Variants in SPAG16 observed in about 807,000 individuals in gnomAD.
The protein encoded by SPAG16 is sperm-associated antigen 16 protein.
In SPAG16, 86 loss-of-function variants were observed where a neutral mutation model predicts 80.4. The ratio of observed to expected loss-of-function variants is 1.07; its 90% CI spans 0.90 to 1.28. The LOEUF (loss-of-function observed/expected upper bound fraction) is 1.28. Ranked by LOEUF, SPAG16 falls within the 50% of genes most tolerant of loss-of-function variation. SPAG16 has a pLI of 0.00. For missense variants in SPAG16, 870 were observed against 765.3 expected, an observed-to-expected ratio of 1.14 and a Z score of -1.61; for synonymous variants, 294 against 265.9, an observed-to-expected ratio of 1.11 and a Z score of -1.03.
intron 10 of SPAG16, among the ~76,000 whole-genome samples, chr2:213,828,068 G>T (rs2125709911): frequency 6.6e-6 from 1 of 152,174 alleles, no homozygotes; most frequent in African/African-American, 2.4e-5. Context: ...GATTTGAGAA[G>T]TTCATTGTTA....
At chr2:213,776,141 A>C (rs2069561296) in intron 10 of SPAG16, among the ~76,000 whole-genome samples, 1 of 152,188 alleles carries the variant, frequency 6.6e-6, no homozygotes, top group Non-Finnish European at 1.5e-5. Flanking sequence ...ATGTTACCTC[A>C]TATGGCAAAG....
At chr2:213,659,563 A>G (rs2063343859) in intron 10 of SPAG16, among the ~76,000 whole-genome samples, 1 of 152,178 alleles carries the variant, frequency 6.6e-6, no homozygotes, top group South Asian at 2.1e-4. Context: ...TGATACAACT[A>G]CAAGCAGCAC....
intron 15 of SPAG16, among the ~76,000 whole-genome samples, chr2:214,305,200 G>A (rs535457184): frequency 6.6e-5 from 10 of 152,098 alleles, no homozygotes; most frequent in East Asian, 1.9e-4. Flanking sequence ...GTTCATATCC[G>A]TTGCTCATTT....
intron 15 of SPAG16, among the ~76,000 whole-genome samples, chr2:214,289,706 T>C (rs545826201): frequency 6.6e-6 from 1 of 152,286 alleles, no homozygotes; most frequent in Non-Finnish European, 1.5e-5. Context: ...TGTTTTGGCT[T>C]TTCTTGCTCT....
chr2:213,367,181 C>CTA (rs1241592725), intron 8 of SPAG16, among the ~76,000 whole-genome samples: 1 of 152,098 alleles, frequency 6.6e-6, no homozygotes, highest in East Asian at 1.9e-4. Flanking sequence ...TTAATCCAGT[C>CTA]TATCATTGAT....
intron 10 of SPAG16, among the ~76,000 whole-genome samples, chr2:213,613,231 CA>C (rs1323365226): frequency 6.6e-6 from 1 of 152,180 alleles, no homozygotes; most frequent in East Asian, 1.9e-4. Context: ...ATTCTCAATA[CA>C]AAAGCCAGAG....
chr2:213,387,431 C>CTTTTTTTTTTTTTTTTTTTT lies in SPAG16; in HGVS notation c.942+12322_942+12341dup, dbSNP rs71060428. 1.3e-4 allele frequency among the ~76,000 whole-genome samples: 6 copies of CTTTTTTTTTTTTTTTTTTTT among 47,914 alleles called. 2 individuals carry two copies. The highest frequency in any genetic ancestry group is 2.3e-4 in the African/African-American group (2 of 8,772). The allele number at this position is 47,914 out of a possible 152,430, so 31.4% of individuals were successfully genotyped here. On this transcript the variant is annotated intron_variant, in intron 9 of 15. Coordinates refer to ENST00000331683, the MANE Select transcript of SPAG16 (RefSeq NM_024532.5). ...TTTGGGTTGGAATGAAATGCATGCT[C>CTTTTTTTTTTTTTTTTTTTT]TTTTTTTTTTTTTTTTTTTTTTTTT...
rs534296103 is a variant in SPAG16, at chr2:213,563,865, A to T, written c.1070+73775A>T. Among the ~76,000 whole-genome samples the T allele has an allele frequency of 2.6e-5, 4 of 152,306 alleles. No homozygotes were observed. The East Asian group carries it at 7.7e-4, about 29-fold the overall frequency. ...ATGGCTTCTTTTGGTTTTCTCTGCT[A>T]TCACATTTCTACACCCTGAATGAGT... On this transcript the variant is annotated intron_variant, in intron 10 of 15. Transcript: ENST00000331683.
chr2:213,840,315 A>G (rs911379409), intron 10 of SPAG16, among the ~76,000 whole-genome samples: 1 of 152,170 alleles, frequency 6.6e-6, no homozygotes, highest in African/African-American at 2.4e-5. Context: ...TATACTGTTC[A>G]GTTAGCTGGA....
chr2:213,318,498 A>G (rs2063493022), intron 5 of SPAG16, among the ~76,000 whole-genome samples: 2 of 151,976 alleles, frequency 1.3e-5, no homozygotes, highest in Admixed American at 1.3e-4. Context: ...TGGAGACTTT[A>G]AAAGGTGGGA....
At position 213,449,631 on chromosome 2, in the gene SPAG16, G is replaced by A. The variant is rs2071567209; in HGVS notation, c.943-40332G>A. ...AGAAAGAACCTACCTTGAAATATCA[G>A]GGGTGAGTTCCCCCAATAGATAGGA... On this transcript the variant is annotated intron_variant, in intron 9 of 15. Transcript: ENST00000331683. 2.0e-5 allele frequency among the ~76,000 whole-genome samples: 3 copies of A among 152,212 alleles called. No individual in the cohort carries two copies. The South Asian group carries it at 6.2e-4, about 32-fold the overall frequency.
At chr2:213,317,405 T>G (rs923557811) in intron 5 of SPAG16, 49 bp downstream of exon 5, 16 of 1,563,474 alleles carry the variant, frequency 1.0e-5, no homozygotes, top group Non-Finnish European at 1.4e-5. Context: ...TTGGACTAAA[T>G]AAAAGAGTTG....
chr2:214,215,320 G>A (rs2058401293), intron 15 of SPAG16, among the ~76,000 whole-genome samples: 1 of 152,024 alleles, frequency 6.6e-6, no homozygotes, highest in African/African-American at 2.4e-5. Flanking sequence ...ACCTCCAGGT[G>A]AGCCAGCATT....
At chr2:213,514,842 G>T (rs1186297410) in intron 10 of SPAG16, among the ~76,000 whole-genome samples, 1 of 149,932 alleles carries the variant, frequency 6.7e-6, no homozygotes, top group South Asian at 2.1e-4. Flanking sequence ...TTCCTAAAAT[G>T]GAATCCTATT....
Position 214,186,900 on chromosome 2 carries a change from C to A in SPAG16, c.1720+37634C>A, listed in dbSNP as rs970973329. Among the ~76,000 whole-genome samples the A allele has an allele frequency of 2.0e-5, 3 of 152,234 alleles. No individual in the cohort carries two copies. In the East Asian group the frequency reaches 5.8e-4, roughly 29 times the overall value. ...TCAGCCTCCCAAGTAGCTGGGACTA[C>A]AGGCCTGTGCCACCATGCGAGGCTA... is the stretch of plus-strand genomic sequence containing the variant. On this transcript the variant is annotated intron_variant, in intron 15 of 15. Coordinates refer to ENST00000331683, the MANE Select transcript of SPAG16 (RefSeq NM_024532.5).
chr2:214,141,452 G>T (rs1343536144), intron 14 of SPAG16, among the ~76,000 whole-genome samples: 1 of 146,754 alleles, frequency 6.8e-6, no homozygotes, highest in Non-Finnish European at 1.5e-5. Flanking sequence ...GGGTGACAGA[G>T]TGAGACTCGG....
intron 15 of SPAG16, among the ~76,000 whole-genome samples, chr2:214,365,966 T>C: frequency 6.6e-6 from 1 of 151,352 alleles, no homozygotes; most frequent in East Asian, 1.9e-4. Flanking sequence ...ATCAGAACGA[T>C]TCTATTTGCC....
chr2:214,338,135 G>A (rs7557919), intron 15 of SPAG16, among the ~76,000 whole-genome samples: 72,456 of 152,132 alleles, frequency 0.48, 21,223 homozygotes, highest in Non-Finnish European at 0.65. Context: ...ACTACAAATA[G>A]GGAGGAAACA....
At chr2:213,973,179 T>C (rs921066068) in intron 12 of SPAG16, among the ~76,000 whole-genome samples, 1 of 152,168 alleles carries the variant, frequency 6.6e-6, no homozygotes, top group Non-Finnish European at 1.5e-5. Context: ...CCTATCCTAG[T>C]CATGTTCTTG....
Sources: allele counts gnomAD v4.1 joint callset (sites outside exome capture counted in the v4.1 genomes callset), GRCh38; gene constraint gnomAD v4.1.1; transcripts MANE v1.5; gene names NCBI Gene and HGNC (gene_info 2026-07-23, HGNC 2026-07-21).